The following CSRNP3 variants were observed in gnomAD, a reference collection of about 807,000 sequenced individuals.
CSRNP3 encodes cysteine/serine-rich nuclear protein 3.
A neutral mutation model predicts 48.0 loss-of-function variants in CSRNP3; 12 were observed. The ratio of observed to expected loss-of-function variants is 0.25; its 90% CI spans 0.16 to 0.41. CSRNP3 has a LOEUF of 0.41. Ranked by LOEUF, CSRNP3 falls within the 10% of genes least tolerant of loss-of-function variation. The pLI is 1.00. For synonymous variants in CSRNP3, 263 were observed against 269.7 expected (o/e 0.98, Z 0.24); for missense variants, 580 against 724.4 (o/e 0.80, Z 2.29).
intron 3 of CSRNP3, chr2:165,574,098 C>G (rs897955498): frequency 4.5e-6 from 2 of 445,492 alleles, no homozygotes; most frequent in African/African-American, 4.0e-5. Context: ...TGCCCACTCC[C>G]CATCCTGTAT....
chr2:165,648,914 C>G (rs887619250), intron 4 of CSRNP3, among the ~76,000 whole-genome samples: 9 of 152,142 alleles, frequency 5.9e-5, no homozygotes, highest in Non-Finnish European at 1.3e-4. Context: ...AGTATTCGAT[C>G]AAACCAAACC....
intron 3 of CSRNP3, among the ~76,000 whole-genome samples, chr2:165,525,488 CT>C (rs766376805): frequency 1.1e-3 from 149 of 133,870 alleles, no homozygotes; most frequent in Admixed American, 1.5e-3. Flanking sequence ...TCTTCTTCTT[CT>C]TTTTTTTTTT....
chr2:165,613,393 T>C (rs1394512849), intron 4 of CSRNP3, among the ~76,000 whole-genome samples: 3 of 152,140 alleles, frequency 2.0e-5, no homozygotes, highest in Non-Finnish European at 4.4e-5. Context: ...CACAAGCTTT[T>C]TATCCTGATA....
At chr2:165,612,201 T>A (rs1468443193) in intron 4 of CSRNP3, among the ~76,000 whole-genome samples, 1 of 152,122 alleles carries the variant, frequency 6.6e-6, no homozygotes, top group Non-Finnish European at 1.5e-5. Context: ...ATTTTCAAAA[T>A]TGTATTATGT....
At chr2:165,678,549 T>A in intron 6 of CSRNP3, 152 bp from the exon 7 acceptor site, 1 of 870,012 alleles carries the variant, frequency 1.1e-6, no homozygotes, top group East Asian at 2.6e-5. Flanking sequence ...TTTCCCCTTT[T>A]CATTTCTATT....
Position 165,681,799 on chromosome 2 carries a change from A to ATGTG in CSRNP3, c.*2049_*2050insGTGT, listed in dbSNP as rs573132737. 11 of 129,420 alleles carry ATGTG rather than the reference A, an allele frequency of 8.5e-5. No homozygotes were observed. The highest frequency in any genetic ancestry group is 1.1e-4 in the Non-Finnish European group (7 of 62,088). 8.0% of individuals were successfully genotyped at this position (129,420 alleles called of 1,614,324 possible). A position where few individuals can be genotyped will look rare whatever the true frequency, so the allele number is the denominator to read the frequency against. The stretch of plus-strand genomic sequence containing the variant: ...CACATACACATATATATACACATAT[A>ATGTG]TGTATGTGTGTGTGTGTGTGTGTGT... On this transcript the variant is annotated 3_prime_UTR_variant, in exon 7 of 7. Coordinates refer to ENST00000651982, the MANE Select transcript of CSRNP3 (RefSeq NM_001172173.2).
At chr2:165,633,248 G>A (rs1686568603) in intron 4 of CSRNP3, among the ~76,000 whole-genome samples, 1 of 152,074 alleles carries the variant, frequency 6.6e-6, no homozygotes, top group South Asian at 2.1e-4. Context: ...GTCTTTTATT[G>A]TTTATTTCTA....
chr2:165,488,234 A>T (rs1459895501), intron 1 of CSRNP3, among the ~76,000 whole-genome samples: 1 of 105,128 alleles, frequency 9.5e-6, no homozygotes, highest in East Asian at 2.6e-4. Context: ...TCAATTCAAC[A>T]AGAGGAGCTA....
intron 3 of CSRNP3, among the ~76,000 whole-genome samples, chr2:165,535,936 C>A (rs1427180203): frequency 6.6e-6 from 1 of 151,806 alleles, no homozygotes. Flanking sequence ...TTGAAAATTT[C>A]TGTTTCCCAC....
intron 1 of CSRNP3, among the ~76,000 whole-genome samples, chr2:165,493,487 GTAGAGCCAGTT>G (rs1684246554): frequency 6.6e-6 from 1 of 152,052 alleles, no homozygotes. Context: ...GGGCTATCTT[GTAGAGCCAGTT>G]CAAGTTGGGA....
At chr2:165,601,945 T>C (rs1200499143) in intron 4 of CSRNP3, among the ~76,000 whole-genome samples, 2 of 152,234 alleles carry the variant, frequency 1.3e-5, no homozygotes, top group Non-Finnish European at 2.9e-5. Flanking sequence ...TGGTATCTTA[T>C]GTTACAGGCT....
chr2:165,634,156 T>A lies in CSRNP3; in HGVS notation c.149-23605T>A, dbSNP rs185107411. Among the ~76,000 whole-genome samples the A allele has an allele frequency of 1.9e-4, 29 of 152,210 alleles. No homozygotes were observed. The East Asian group carries it at 3.5e-3, about 18-fold the overall frequency. Reference sequence around the variant, plus strand: ...GAGTTCGAGACCAGCCTGAGTCACATGGCAAAACCCCGTCTCTACTAAAAA... The same window carrying A: ...GAGTTCGAGACCAGCCTGAGTCACAAGGCAAAACCCCGTCTCTACTAAAAA... On this transcript the variant is annotated intron_variant, in intron 4 of 6. Coordinates refer to ENST00000651982, the MANE Select transcript of CSRNP3 (RefSeq NM_001172173.2).
At chr2:165,485,491 A>G (rs931281742) in intron 1 of CSRNP3, among the ~76,000 whole-genome samples, 2 of 152,238 alleles carry the variant, frequency 1.3e-5, no homozygotes, top group African/African-American at 2.4e-5. Context: ...CATCACTTCA[A>G]GACGAGCATC....
intron 3 of CSRNP3, among the ~76,000 whole-genome samples, chr2:165,573,837 T>A (rs1026121118): frequency 8.6e-5 from 13 of 151,968 alleles, no homozygotes; most frequent in African/African-American, 3.1e-4. Flanking sequence ...GCAATATGTA[T>A]TTGAATTTAA....
intron 4 of CSRNP3, among the ~76,000 whole-genome samples, chr2:165,629,870 T>C (rs1293926644): frequency 6.6e-6 from 1 of 152,192 alleles, no homozygotes; most frequent in African/African-American, 2.4e-5. Context: ...CTACCTTTCA[T>C]TGATTCCCCT....
rs552033721 is a variant in CSRNP3, at chr2:165,578,589, A to G, written c.-23-16454A>G. On this transcript the variant is annotated intron_variant, in intron 3 of 6. Transcript: ENST00000651982. ...CAACATATTTGGAGAATAGCTTATC[A>G]TTCTGGTCCTCTTTTGCACACTAGC... 2.6e-5 allele frequency among the ~76,000 whole-genome samples: 4 copies of G among 152,236 alleles called. No homozygotes were observed. In the South Asian group the frequency reaches 8.3e-4, roughly 32 times the overall value.
At position 165,635,465 on chromosome 2, in the gene CSRNP3, C is replaced by T. The variant is rs1015659912; in HGVS notation, c.149-22296C>T. On this transcript the variant is annotated intron_variant, in intron 4 of 6. Transcript: ENST00000651982. The stretch of plus-strand genomic sequence containing the variant: ...CTTCCCAGAGGTACATTTGAGACTA[C>T]AGTCTCTGGGCTAATCAGGTGCTTT... Among the ~76,000 whole-genome samples, 7 of 152,264 alleles carry T rather than the reference C, an allele frequency of 4.6e-5. No homozygotes were observed. The South Asian group carries it at 1.5e-3, about 32-fold the overall frequency.
At chr2:165,548,465 C>T (rs1685058316) in intron 3 of CSRNP3, among the ~76,000 whole-genome samples, 1 of 152,036 alleles carries the variant, frequency 6.6e-6, no homozygotes, top group Non-Finnish European at 1.5e-5. Flanking sequence ...TTTGAATTGT[C>T]CAAACTACTC....
At chr2:165,559,800 T>C (rs1460539722) in intron 3 of CSRNP3, among the ~76,000 whole-genome samples, 13 of 135,264 alleles carry the variant, frequency 9.6e-5, no homozygotes, top group East Asian at 2.1e-4. Context: ...TTCTTTCTTT[T>C]TTTTTTTTTT....
Sources: gnomAD v4.1 joint callset for allele counts (sites outside exome capture counted in the v4.1 genomes callset) on GRCh38, gnomAD v4.1.1 for gene constraint, MANE v1.5 for transcripts, NCBI Gene and HGNC (gene_info 2026-07-23, HGNC 2026-07-21) for gene names.